The following NDUFAF2 variants were observed in gnomAD, a reference collection of about 807,000 sequenced individuals.
NDUFAF2 encodes NADH dehydrogenase [ubiquinone] 1 alpha subcomplex assembly factor 2.
NDUFAF2 carries 13 observed loss-of-function variants against 22.8 expected under a neutral mutation model. That is an observed-to-expected ratio of 0.57 (90% CI 0.37 to 0.91). The LOEUF is 0.91. Among genes scored for constraint, NDUFAF2 ranks in the 40% least tolerant of loss-of-function variants. The pLI is 0.01. For missense variants in NDUFAF2, 162 were observed against 195.2 expected, an observed-to-expected ratio of 0.83 and a Z score of 1.01; for synonymous variants, 53 against 64.2, an observed-to-expected ratio of 0.83 and a Z score of 0.84.
At chr5:60,964,187 A>C (rs1232342809) in intron 1 of NDUFAF2, among the ~76,000 whole-genome samples, 1 of 152,160 alleles carries the variant, frequency 6.6e-6, no homozygotes, top group Non-Finnish European at 1.5e-5. Context: ...TTGCAAGAAT[A>C]ATACAAAGAA....
chr5:61,117,973 G>A (rs1460753695), intron 3 of NDUFAF2, among the ~76,000 whole-genome samples: 2 of 152,046 alleles, frequency 1.3e-5, no homozygotes, highest in African/African-American at 4.8e-5. Context: ...CTATACCACT[G>A]GATACACAAA....
chr5:61,109,307 G>A (rs1488617298), intron 3 of NDUFAF2, among the ~76,000 whole-genome samples: 3 of 152,132 alleles, frequency 2.0e-5, no homozygotes, highest in Admixed American at 6.6e-5. Flanking sequence ...TTTGTGTACT[G>A]CAACCTTACT....
At chr5:61,101,567 C>T (rs985725330) in intron 3 of NDUFAF2, among the ~76,000 whole-genome samples, 2 of 152,098 alleles carry the variant, frequency 1.3e-5, no homozygotes, top group African/African-American at 4.8e-5. Flanking sequence ...CATCATGTTC[C>T]TCTGTCCACT....
chr5:60,958,209 T>G (rs1245944524), intron 1 of NDUFAF2, among the ~76,000 whole-genome samples: 1 of 152,196 alleles, frequency 6.6e-6, no homozygotes, highest in Non-Finnish European at 1.5e-5. Flanking sequence ...AAACATCTGT[T>G]TTATGTATTT....
intron 1 of NDUFAF2, among the ~76,000 whole-genome samples, chr5:61,070,387 A>G (rs1250379835): frequency 6.6e-6 from 1 of 152,168 alleles, no homozygotes; most frequent in Non-Finnish European, 1.5e-5. Flanking sequence ...TTATTCCAAA[A>G]AAAGGGAGTA....
At chr5:61,030,500 A>C (rs1038294724) in intron 1 of NDUFAF2, among the ~76,000 whole-genome samples, 1 of 152,060 alleles carries the variant, frequency 6.6e-6, no homozygotes, top group Non-Finnish European at 1.5e-5. Flanking sequence ...ATTGGATCTT[A>C]CTATTTAGTA....
chr5:61,065,390 A>G (rs1434992114), intron 1 of NDUFAF2, among the ~76,000 whole-genome samples: 1 of 152,110 alleles, frequency 6.6e-6, no homozygotes, highest in Non-Finnish European at 1.5e-5. Flanking sequence ...CCAGACAAAG[A>G]CATCAAAAGA....
At chr5:61,089,817 T>C (rs1314570302) in intron 2 of NDUFAF2, among the ~76,000 whole-genome samples, 1 of 152,092 alleles carries the variant, frequency 6.6e-6, no homozygotes, top group Non-Finnish European at 1.5e-5. Context: ...TATAAACTTA[T>C]GCAAAACCAG....
chr5:61,114,910 GTT>G (rs1485855791), intron 3 of NDUFAF2: 2 of 152,128 alleles, frequency 1.3e-5, no homozygotes, highest in African/African-American at 4.8e-5. Flanking sequence ...CTCCCTCCAT[GTT>G]ACCACCAGTG....
chr5:61,005,610 A>AT (rs1435153565), intron 1 of NDUFAF2, among the ~76,000 whole-genome samples: 3 of 152,072 alleles, frequency 2.0e-5, no homozygotes, highest in Non-Finnish European at 2.9e-5. Context: ...TTGTTTCCTG[A>AT]TTTTTTAATG....
chr5:61,096,416 C>T lies in NDUFAF2; in HGVS notation c.218-2576C>T, dbSNP rs1242281767. On this transcript the variant is annotated intron_variant, in intron 2 of 3. Coordinates refer to ENST00000296597, the MANE Select transcript of NDUFAF2 (RefSeq NM_174889.5). ...GAGATCGAGACCATTCTGGCCAACA[C>T]GGTGAAACCCCGTCTCTACTAAAAA... 4.0e-5 allele frequency among the ~76,000 whole-genome samples: 6 copies of T among 151,640 alleles called. No individual in the cohort carries two copies. The East Asian group carries it at 1.2e-3, about 30-fold the overall frequency.
At chr5:60,945,503 G>A (rs1255266261) in intron 1 of NDUFAF2, 121 bp downstream of exon 1, 7 of 1,427,544 alleles carry the variant, frequency 4.9e-6, no homozygotes, top group Admixed American at 1.8e-5. Context: ...TCACCGGAGA[G>A]AATTTCCCGA....
intron 3 of NDUFAF2, among the ~76,000 whole-genome samples, chr5:61,111,181 G>A (rs74836187): frequency 0.02 from 3,009 of 152,192 alleles, 114 homozygotes; most frequent in African/African-American, 0.069. Flanking sequence ...GAAGATACTC[G>A]AGATAATTTC....
At chr5:61,111,894 A>T (rs2111785093) in intron 3 of NDUFAF2, among the ~76,000 whole-genome samples, 1 of 152,076 alleles carries the variant, frequency 6.6e-6, no homozygotes. Context: ...CTGGGATTAC[A>T]GGTGTGAGCC....
intron 1 of NDUFAF2, among the ~76,000 whole-genome samples, chr5:61,017,619 C>T (rs1242683734): frequency 6.6e-6 from 1 of 152,100 alleles, no homozygotes; most frequent in Non-Finnish European, 1.5e-5. Context: ...ATTGAAGTAG[C>T]TGGGCAGGGT....
intron 1 of NDUFAF2, among the ~76,000 whole-genome samples, chr5:60,988,830 G>C (rs1351255666): frequency 1.3e-5 from 2 of 152,146 alleles, no homozygotes; most frequent in Non-Finnish European, 2.9e-5. Context: ...TACCCTGGAA[G>C]ATGACCTAGG....
chr5:61,059,942 A>G (rs952244411), intron 1 of NDUFAF2, among the ~76,000 whole-genome samples: 3 of 152,114 alleles, frequency 2.0e-5, no homozygotes, highest in Non-Finnish European at 4.4e-5. Flanking sequence ...TTAGTTTTTA[A>G]TTGGGTATCT....
intron 1 of NDUFAF2, among the ~76,000 whole-genome samples, chr5:61,038,406 G>A (rs1751829793): frequency 6.6e-6 from 1 of 152,070 alleles, no homozygotes; most frequent in Admixed American, 6.6e-5. Flanking sequence ...GACCAAACAA[G>A]GTTTATGGAC....
intron 1 of NDUFAF2, among the ~76,000 whole-genome samples, chr5:61,008,609 A>T (rs1751403878): frequency 1.3e-5 from 2 of 152,122 alleles, no homozygotes; most frequent in Admixed American, 1.3e-4. Flanking sequence ...ATGCATTGTG[A>T]GTAGTAAATG....
Sources: allele counts gnomAD v4.1 joint callset (sites outside exome capture counted in the v4.1 genomes callset), GRCh38; gene constraint gnomAD v4.1.1; transcripts MANE v1.5; gene names NCBI Gene and HGNC (gene_info 2026-07-23, HGNC 2026-07-21).